HIVEP3: variants seen among roughly 807,000 people sequenced by gnomAD.
The protein encoded by HIVEP3 is transcription factor HIVEP3.
Under a neutral mutation model 152.8 loss-of-function variants are expected in HIVEP3, and 49 were observed. The ratio of observed to expected loss-of-function variants is 0.32; its 90% CI spans 0.26 to 0.41. HIVEP3 has a LOEUF of 0.41. HIVEP3 is among the 10% of genes least tolerant of loss of function. HIVEP3 has a pLI of 1.00. For missense variants in HIVEP3, 2,790 were observed against 3,103.3 expected (o/e 0.90, Z 2.40); for synonymous variants, 1,269 against 1,289.0 (o/e 0.98, Z 0.33).
intron 1 of HIVEP3, among the ~76,000 whole-genome samples, chr1:41,755,874 G>A (rs1647286135): frequency 6.6e-6 from 1 of 152,162 alleles, no homozygotes; most frequent in Non-Finnish European, 1.5e-5. Context: ...CATTGCCGGT[G>A]GGAATATAAA....
Position 41,585,052 on chromosome 1 carries a change from C to A in HIVEP3, c.-255G>T. 1 of 401,836 alleles carries A rather than the reference C, an allele frequency of 2.5e-6. No individual in the cohort carries two copies. 24.9% of individuals were successfully genotyped at this position (401,836 alleles called of 1,614,324 possible). A position where few individuals can be genotyped will look rare whatever the true frequency, so the allele number is the denominator to read the frequency against. Reference sequence around the variant, plus strand: ...ACTTTGCAGACAGAAAACGCACCAGCACTTTCTGCCTGAATGTCTGTCGGG... The same window carrying A: ...ACTTTGCAGACAGAAAACGCACCAGAACTTTCTGCCTGAATGTCTGTCGGG... On this transcript the variant is annotated 5_prime_UTR_variant, in exon 4 of 9. Transcript: ENST00000372583.
intron 3 of HIVEP3, among the ~76,000 whole-genome samples, chr1:41,625,961 G>A (rs1191658933): frequency 6.6e-6 from 1 of 152,170 alleles, no homozygotes; most frequent in Non-Finnish European, 1.5e-5. Flanking sequence ...GACTATAAAA[G>A]TTTGAAAACT....
At chr1:41,849,023 G>T (rs1001812128) in intron 1 of HIVEP3, 1 of 152,292 alleles carries the variant, frequency 6.6e-6, no homozygotes, top group African/African-American at 2.4e-5. Flanking sequence ...TCTTCAGGAC[G>T]TTTGTCCCTC....
chr1:41,511,282 A>G lies in HIVEP3; in HGVS notation c.6406-16T>C, dbSNP rs758306932. ...CGGCCTTCTGCTGGGGTCAGAAAAC[A>G]AGACAAGGTAAGGTGAAGGTTACAT... On this transcript the variant is annotated splice_polypyrimidine_tract_variant and intron_variant, in intron 8 of 8. Transcript: ENST00000372583. This position sits in a 1 kb window ranked among gnomAD's most constrained non-coding sequence, Gnocchi z 4.9. 2 of 1,570,254 alleles carry G rather than the reference A, an allele frequency of 1.3e-6. No individual in the cohort carries two copies. The highest frequency in any genetic ancestry group is 8.6e-7 in the Non-Finnish European group (1 of 1,156,758).
chr1:41,894,888 GCAAT>G lies in HIVEP3; in HGVS notation c.-801+23521_-801+23524del, dbSNP rs1490479790. ...TTAACAGATAACCAGGCCTTACTAA[GCAAT>G]CTAAAACACATACTCTAGAAGCACG... On this transcript the variant is annotated intron_variant, in intron 1 of 8. Coordinates refer to ENST00000372583, the MANE Select transcript of HIVEP3 (RefSeq NM_024503.5). Among the ~76,000 whole-genome samples, 10 of 152,224 alleles carry G rather than the reference GCAAT, an allele frequency of 6.6e-5. No individual in the cohort carries two copies. In the East Asian group the frequency reaches 1.9e-3, roughly 29 times the overall value.
At chr1:41,885,169 T>C (rs1424102711) in intron 1 of HIVEP3, among the ~76,000 whole-genome samples, 1 of 152,110 alleles carries the variant, frequency 6.6e-6, no homozygotes, top group Non-Finnish European at 1.5e-5. Flanking sequence ...CATAGGAAAG[T>C]CATGAGCAGT....
intron 1 of HIVEP3, among the ~76,000 whole-genome samples, chr1:41,724,182 C>T (rs1358562400): frequency 1.3e-4 from 20 of 152,172 alleles, no homozygotes; most frequent in Admixed American, 1.3e-3. Context: ...CCACTGTCAC[C>T]TTCCGAAGCC....
rs546767916 is a variant in HIVEP3 at position 41,627,211 on chromosome 1, T to C, written c.-522+1538A>G. Among the ~76,000 whole-genome samples, 6 of 152,254 alleles carry C rather than the reference T, an allele frequency of 3.9e-5. No individual in the cohort carries two copies. In the South Asian group the frequency reaches 1.0e-3, roughly 26 times the overall value. ...GGGTGACTCACGTTTGGGAGGTCCT[T>C]GTTAACGTGGCTGGCAACATTCTAG... On this transcript the variant is annotated intron_variant, in intron 3 of 8. Coordinates refer to ENST00000372583, the MANE Select transcript of HIVEP3 (RefSeq NM_024503.5).
chr1:41,709,930 A>T (rs2124146376), intron 1 of HIVEP3, among the ~76,000 whole-genome samples: 1 of 152,164 alleles, frequency 6.6e-6, no homozygotes, highest in South Asian at 2.1e-4. Context: ...GGCATTTTGG[A>T]GGGACGTGTC....
Position 41,544,782 on chromosome 1 carries a change from A to C in HIVEP3, c.5208-19872T>G, listed in dbSNP as rs895980987. 2.2e-5 allele frequency among the ~76,000 whole-genome samples: 3 copies of C among 139,102 alleles called. No individual in the cohort carries two copies. The Admixed American group carries it at 2.2e-4, about 10-fold the overall frequency. 91.3% of individuals were successfully genotyped at this position (139,102 alleles called of 152,430 possible). A position where few individuals can be genotyped will look rare whatever the true frequency, so the allele number is the denominator to read the frequency against. On this transcript the variant is annotated intron_variant, in intron 5 of 8. Coordinates refer to ENST00000372583, the MANE Select transcript of HIVEP3 (RefSeq NM_024503.5). ...CATCACCACCACTACCACTACCTCT[A>C]CCTCCACTGCTACCATCACCACCAC...
upstream of HIVEP3, among the ~76,000 whole-genome samples, chr1:41,921,962 T>TA (rs893828646): frequency 6.6e-6 from 1 of 151,796 alleles, no homozygotes; most frequent in African/African-American, 2.4e-5. Flanking sequence ...AAAAGAGATT[T>TA]AAAAAATCAG....
intron 1 of HIVEP3, among the ~76,000 whole-genome samples, chr1:41,995,101 A>T (rs1645388339): frequency 6.6e-6 from 1 of 152,130 alleles, no homozygotes; most frequent in Non-Finnish European, 1.5e-5. Context: ...AAATATTTTA[A>T]AAGATAATCA....
chr1:41,946,545 G>T (rs1645076163), intron 1 of HIVEP3, among the ~76,000 whole-genome samples: 1 of 152,136 alleles, frequency 6.6e-6, no homozygotes, highest in African/African-American at 2.4e-5. Flanking sequence ...CTTTTCACAT[G>T]CTTTTCTAAT....
chr1:41,776,025 C>A (rs1243111307), intron 1 of HIVEP3, among the ~76,000 whole-genome samples: 1 of 152,168 alleles, frequency 6.6e-6, no homozygotes, highest in East Asian at 1.9e-4. Flanking sequence ...CACAGAAGAT[C>A]CACTGCAAGG....
intron 1 of HIVEP3, among the ~76,000 whole-genome samples, chr1:41,937,930 C>T (rs188151577): frequency 3.2e-4 from 49 of 152,320 alleles, no homozygotes; most frequent in African/African-American, 1.1e-3. Flanking sequence ...CAGATCTGCA[C>T]AAAGTATTCT....
Position 41,583,984 on chromosome 1 carries a change from C to T in HIVEP3, c.814G>A (p.Glu272Lys), listed in dbSNP as rs755745415. 6.2e-7 allele frequency: 1 copy of T among 1,614,204 alleles called. No homozygotes were observed. Among genetic ancestry groups the T allele is most frequent in the Non-Finnish European group, 8.5e-7 (1 of 1,180,042 alleles). The change falls in exon 4 of 9, where the codon GAG becomes AAG. Residue 272 changes from glutamate (E) to lysine (K), a missense_variant. Coordinates refer to ENST00000372583, the MANE Select transcript of HIVEP3 (RefSeq NM_024503.5). This position sits in a 1 kb window ranked among gnomAD's most constrained non-coding sequence, Gnocchi z 6.9. ...TCTCCCTCAGTGGGCTCCTCAAACT[C>T]TTCCCCAGGGATCCGCTCCATCTCC... is the stretch of plus-strand genomic sequence containing the variant. ...GLEMERIPGEEFEEPTEGEST... is the reference protein window; with the variant it reads ...GLEMERIPGEKFEEPTEGEST...
At chr1:41,542,813 T>C (rs145273584) in intron 5 of HIVEP3, 1,942 of 164,994 alleles carry the variant, frequency 0.012, 39 homozygotes, top group African/African-American at 0.041. Flanking sequence ...ATGATCCGTA[T>C]GACACGGAGC....
chr1:41,581,167 G>A lies in HIVEP3; in HGVS notation c.3631C>T (p.His1211Tyr), dbSNP rs1490579078. The A allele has an allele frequency of 1.9e-6, 3 of 1,549,838 alleles. No homozygotes were observed. Among genetic ancestry groups the A allele is most frequent in the Non-Finnish European group, 2.6e-6 (3 of 1,147,340 alleles). Residue 1211 changes from histidine (H) to tyrosine (Y), a missense_variant, in exon 4 of 9, where the codon CAC becomes TAC. By Grantham distance (83) the His-to-Tyr change is moderately conservative (BLOSUM62 2). This residue lies in a region of HIVEP3 where 1,078 missense variants were observed against 1,165.3 expected (regional missense o/e 0.93). Coordinates refer to ENST00000372583, the MANE Select transcript of HIVEP3 (RefSeq NM_024503.5). The surrounding 1 kb of genome is among the most constrained non-coding windows in gnomAD (Gnocchi z 4.5). ...TGCCTGAAGGGGATGTTGGCTGGGT[G>A]AGGCATGAGCTGGGGGAGATGGAGT... is the stretch of plus-strand genomic sequence containing the variant. ...GQLHLPQLMP[H>Y]PANIPFRQPP...
chr1:41,680,517 C>G (rs74071920), intron 2 of HIVEP3, among the ~76,000 whole-genome samples: 2,886 of 152,300 alleles, frequency 0.019, 80 homozygotes, highest in African/African-American at 0.062. Context: ...CTTTTTGAAC[C>G]AGCTGATAGC....
Sources: allele counts gnomAD v4.1 joint callset (sites outside exome capture counted in the v4.1 genomes callset), GRCh38; gene constraint gnomAD v4.1.1; regional missense constraint gnomAD v4.1.1; non-coding constraint Gnocchi (gnomAD v3.1); transcripts MANE v1.5; gene names NCBI Gene and HGNC (gene_info 2026-07-23, HGNC 2026-07-21).